MACROD2: variants seen among roughly 807,000 people sequenced by gnomAD.
MACROD2 encodes ADP-ribose glycohydrolase MACROD2.
Under a neutral mutation model 70.4 loss-of-function variants are expected in MACROD2, and 36 were observed. The observed-to-expected ratio is 0.51, with a 90% CI of 0.39 to 0.68. The LOEUF is 0.68. MACROD2 is among the 30% of genes least tolerant of loss of function. The pLI is 0.00. For missense variants in MACROD2, 496 were observed against 538.4 expected (o/e 0.92, Z 0.78); for synonymous variants, 172 against 178.8 (o/e 0.96, Z 0.30).
chr20:14,142,382 A>G (rs1348539129), intron 3 of MACROD2, among the ~76,000 whole-genome samples: 1 of 152,146 alleles, frequency 6.6e-6, no homozygotes, highest in Non-Finnish European at 1.5e-5. Context: ...TAGCGACCAC[A>G]GGTTTTTCAG....
At chr20:15,064,398 T>C (rs1486758201) in intron 5 of MACROD2, among the ~76,000 whole-genome samples, 2 of 152,202 alleles carry the variant, frequency 1.3e-5, no homozygotes, top group Non-Finnish European at 2.9e-5. Flanking sequence ...ACTGAGCCTG[T>C]TGACTCGGAC....
chr20:14,821,146 A>G (rs2072839825), intron 5 of MACROD2, among the ~76,000 whole-genome samples: 1 of 152,112 alleles, frequency 6.6e-6, no homozygotes, highest in Non-Finnish European at 1.5e-5. Flanking sequence ...GCTTTGGCAT[A>G]TTGACACTGG....
At chr20:15,356,648 A>G (rs562911513) in intron 6 of MACROD2, among the ~76,000 whole-genome samples, 3 of 152,192 alleles carry the variant, frequency 2.0e-5, no homozygotes, top group Non-Finnish European at 2.9e-5. Flanking sequence ...GCTGGGCATG[A>G]TGGTGTACAC....
At chr20:14,431,746 G>A (rs2083996990) in intron 3 of MACROD2, among the ~76,000 whole-genome samples, 1 of 152,144 alleles carries the variant, frequency 6.6e-6, no homozygotes, top group South Asian at 2.1e-4. Flanking sequence ...TTAAGATGAG[G>A]AAGTGAGACC....
In MACROD2 at chr20:15,715,650, A is replaced by G. The variant is rs551361677; in HGVS notation, c.646-147095A>G. 3.9e-5 allele frequency among the ~76,000 whole-genome samples: 6 copies of G among 152,264 alleles called. No homozygotes were observed. In the East Asian group the frequency reaches 9.6e-4, roughly 24 times the overall value. On this transcript the variant is annotated intron_variant, in intron 8 of 17. Transcript: ENST00000684519. ...CAATAGTGCAATAGACATGTTGCAT[A>G]TATTTTGTTAGTTTAATACCTCTTT...
intron 4 of MACROD2, among the ~76,000 whole-genome samples, chr20:14,662,433 T>C (rs1417987177): frequency 6.6e-6 from 1 of 151,036 alleles, no homozygotes; most frequent in Non-Finnish European, 1.5e-5. Context: ...AACAGGAAAA[T>C]ATTTTATGAC....
chr20:14,756,126 C>T (rs1419907818), intron 5 of MACROD2, among the ~76,000 whole-genome samples: 1 of 152,094 alleles, frequency 6.6e-6, no homozygotes, highest in Non-Finnish European at 1.5e-5. Context: ...GATTTGGCAT[C>T]TCCAGTGACC....
intron 7 of MACROD2, among the ~76,000 whole-genome samples, chr20:15,495,117 G>C (rs906652173): frequency 6.6e-6 from 1 of 152,144 alleles, no homozygotes; most frequent in African/African-American, 2.4e-5. Flanking sequence ...CCCTCCGGGT[G>C]GCCATTCTAC....
intron 8 of MACROD2, among the ~76,000 whole-genome samples, chr20:15,576,388 T>C (rs1255567065): frequency 3.3e-5 from 5 of 152,144 alleles, no homozygotes; most frequent in African/African-American, 1.2e-4. Context: ...CTGCAAACAT[T>C]CCATTTCACC....
intron 2 of MACROD2, among the ~76,000 whole-genome samples, chr20:14,013,688 T>TC (rs2052946809): frequency 7.1e-6 from 1 of 141,168 alleles, no homozygotes; most frequent in Non-Finnish European, 1.5e-5. Context: ...TTTTTTTTTT[T>TC]TTTTTTTTTG....
At position 15,909,184 on chromosome 20, in the gene MACROD2, C is replaced by G. The variant is rs2065194957; in HGVS notation, c.775+23373C>G. Among the ~76,000 whole-genome samples the G allele has an allele frequency of 2.0e-5, 3 of 152,334 alleles. No homozygotes were observed. In the South Asian group the frequency reaches 6.2e-4, roughly 32 times the overall value. ...GGAAGAACTGGAGCTCTTTGGGCAT[C>G]TCTCTAGCTTGATGAAGTCTCTCCA... On this transcript the variant is annotated intron_variant, in intron 10 of 17. Transcript: ENST00000684519.
At chr20:15,079,389 C>A (rs1324436457) in intron 5 of MACROD2, among the ~76,000 whole-genome samples, 1 of 152,066 alleles carries the variant, frequency 6.6e-6, no homozygotes, top group African/African-American at 2.4e-5. Flanking sequence ...CCCATCCTCA[C>A]TCACTCCCTG....
chr20:14,592,531 C>T (rs1451260556), intron 4 of MACROD2, among the ~76,000 whole-genome samples: 1 of 152,142 alleles, frequency 6.6e-6, no homozygotes, highest in Admixed American at 6.5e-5. Flanking sequence ...TCAAGTGATC[C>T]TCCTGCCTCA....
intron 4 of MACROD2, among the ~76,000 whole-genome samples, chr20:14,590,574 A>G (rs553455179): frequency 2.0e-5 from 3 of 151,866 alleles, no homozygotes; most frequent in African/African-American, 4.8e-5. Context: ...TTTGCATACT[A>G]TTTTACTCAT....
At chr20:14,203,684 C>T (rs1013125619) in intron 3 of MACROD2, among the ~76,000 whole-genome samples, 16 of 152,168 alleles carry the variant, frequency 1.1e-4, no homozygotes, top group African/African-American at 3.9e-4. Context: ...TCCTTAGAGG[C>T]TTAGGCTGTG....
chr20:15,887,090 A>G (rs1020699675), intron 10 of MACROD2, among the ~76,000 whole-genome samples: 3 of 152,136 alleles, frequency 2.0e-5, no homozygotes, highest in African/African-American at 7.2e-5. Context: ...TGACAGGCTC[A>G]GTCTGGGCAG....
chr20:15,356,448 C>T (rs962008452), intron 6 of MACROD2, among the ~76,000 whole-genome samples: 1 of 152,138 alleles, frequency 6.6e-6, no homozygotes, highest in Non-Finnish European at 1.5e-5. Flanking sequence ...TATAGAACTT[C>T]ATTCTTGATA....
intron 6 of MACROD2, among the ~76,000 whole-genome samples, chr20:15,247,125 T>G (rs544086094): frequency 1.3e-5 from 2 of 152,190 alleles, no homozygotes; most frequent in Non-Finnish European, 2.9e-5. Context: ...GTGATGATGA[T>G]TGCATAACTG....
rs576389306 is a variant in MACROD2, at chr20:15,916,940, A to G, written c.776-16336A>G. Among the ~76,000 whole-genome samples, 3 of 152,120 alleles carry G rather than the reference A, an allele frequency of 2.0e-5. 1 individual carries two copies. The South Asian group carries it at 6.2e-4, about 32-fold the overall frequency. On this transcript the variant is annotated intron_variant, in intron 10 of 17. Coordinates refer to ENST00000684519, the MANE Select transcript of MACROD2 (RefSeq NM_001351661.2). The stretch of plus-strand genomic sequence containing the variant: ...TTCTGTAAAGGACCAGATGGGAAAT[A>G]TTTTTGGCTTTGTGGGCCACATGTG...
Sources: gnomAD v4.1 joint callset for allele counts (sites outside exome capture counted in the v4.1 genomes callset) on GRCh38, gnomAD v4.1.1 for gene constraint, MANE v1.5 for transcripts, NCBI Gene and HGNC (gene_info 2026-07-23, HGNC 2026-07-21) for gene names.